The following FGD5 variants were observed in gnomAD, a reference collection of about 807,000 sequenced individuals.
FGD5 encodes the protein FYVE, RhoGEF and PH domain containing 5.
A neutral mutation model predicts 133.4 loss-of-function variants in FGD5; 28 were observed. That is an observed-to-expected ratio of 0.21 (90% CI 0.16 to 0.29). The LOEUF is 0.29. Ranked by LOEUF, FGD5 falls within the 10% of genes least tolerant of loss-of-function variation. The pLI is 1.00. For synonymous variants in FGD5, 810 were observed against 776.5 expected (o/e 1.04, Z -0.72); for missense variants, 1,858 against 1,895.2 (o/e 0.98, Z 0.36).
At chr3:14,889,432 G>A (rs962213042) in intron 4 of FGD5, among the ~76,000 whole-genome samples, 10 of 152,172 alleles carry the variant, frequency 6.6e-5, no homozygotes, top group South Asian at 2.1e-4. Context: ...GTGTTCTTTG[G>A]TAGGGATAGC....
At chr3:14,919,842 G>T (rs2038640338) in intron 13 of FGD5, among the ~76,000 whole-genome samples, 1 of 152,096 alleles carries the variant, frequency 6.6e-6, no homozygotes, top group African/African-American at 2.4e-5. Context: ...TCTTGTATAA[G>T]GGCACTAATC....
rs976846048 is a variant in FGD5 at position 14,892,489 on chromosome 3, G to T, written c.2749-5020G>T. ...GCTGGGATTACAGATGTGAACCACT[G>T]CATCTGGCCTAAAGAAGATCTTTCC... On this transcript the variant is annotated intron_variant, in intron 4 of 19. Coordinates refer to ENST00000285046, the MANE Select transcript of FGD5 (RefSeq NM_152536.4). Among the ~76,000 whole-genome samples, 4 of 152,270 alleles carry T rather than the reference G, an allele frequency of 2.6e-5. No homozygotes were observed. The East Asian group carries it at 7.7e-4, about 29-fold the overall frequency.
chr3:14,918,677 A>G (rs1048691610), intron 12 of FGD5, 77 bp from the exon 13 acceptor site: 10 of 1,442,892 alleles, frequency 6.9e-6, no homozygotes, highest in East Asian at 2.3e-5. Context: ...CCCTCTGTTC[A>G]TCTGCTGCCA....
intron 1 of FGD5, among the ~76,000 whole-genome samples, chr3:14,842,059 C>T (rs780697684): frequency 2.0e-5 from 3 of 152,226 alleles, no homozygotes; most frequent in East Asian, 1.9e-4. Flanking sequence ...TGGGACCCAG[C>T]GAAATAGAAC....
intron 4 of FGD5, among the ~76,000 whole-genome samples, chr3:14,884,388 T>C (rs1220001058): frequency 6.6e-6 from 1 of 152,216 alleles, no homozygotes; most frequent in Non-Finnish European, 1.5e-5. Flanking sequence ...ACCTGGCCCC[T>C]GTCCACCTCT....
intron 2 of FGD5, among the ~76,000 whole-genome samples, chr3:14,874,503 TA>T (rs2037677116): frequency 6.6e-6 from 1 of 152,008 alleles, no homozygotes; most frequent in Non-Finnish European, 1.5e-5. Flanking sequence ...CTCTAAAAAA[TA>T]AAATAGCCTA....
chr3:14,896,495 A>AGTTT (rs2038141623), intron 4 of FGD5, among the ~76,000 whole-genome samples: 1 of 150,188 alleles, frequency 6.7e-6, no homozygotes, highest in South Asian at 2.1e-4. Context: ...TTTGAGACGG[A>AGTTT]GTTTTATTCT....
At chr3:14,865,074 C>T (rs570166068) in intron 2 of FGD5, among the ~76,000 whole-genome samples, 3 of 152,290 alleles carry the variant, frequency 2.0e-5, no homozygotes, top group Admixed American at 2.0e-4. Flanking sequence ...GGGGACACAA[C>T]CACTGCAGGG....
intron 1 of FGD5, among the ~76,000 whole-genome samples, chr3:14,828,920 C>T (rs1183472189): frequency 6.7e-6 from 1 of 148,966 alleles, no homozygotes; most frequent in African/African-American, 2.5e-5. Flanking sequence ...CTCCCAGGTT[C>T]AAGCAGGGGA....
At chr3:14,838,943 G>C (rs2036866621) in intron 1 of FGD5, among the ~76,000 whole-genome samples, 1 of 152,204 alleles carries the variant, frequency 6.6e-6, no homozygotes, top group Non-Finnish European at 1.5e-5. Flanking sequence ...AAGTCCACCT[G>C]TTATATTCTG....
intron 1 of FGD5, among the ~76,000 whole-genome samples, chr3:14,824,980 A>C: frequency 6.6e-6 from 1 of 152,196 alleles, no homozygotes; most frequent in Admixed American, 6.5e-5. Flanking sequence ...ACCTGGCAAA[A>C]CCAGAAGAAT....
intron 1 of FGD5, among the ~76,000 whole-genome samples, chr3:14,859,741 A>G (rs2125101404): frequency 6.6e-6 from 1 of 152,266 alleles, no homozygotes; most frequent in East Asian, 1.9e-4. Context: ...CCCTTGATCA[A>G]CAGTAAAAGC....
chr3:14,865,067 G>A (rs901613773), intron 2 of FGD5, among the ~76,000 whole-genome samples: 4 of 152,164 alleles, frequency 2.6e-5, no homozygotes, highest in African/African-American at 4.8e-5. Flanking sequence ...TTCTGCGGGG[G>A]ACACAACCAC....
intron 4 of FGD5, among the ~76,000 whole-genome samples, chr3:14,894,051 G>A (rs1327436234): frequency 6.6e-6 from 1 of 151,968 alleles, no homozygotes; most frequent in Non-Finnish European, 1.5e-5. Context: ...AACCACTGTG[G>A]CCGGCCTTGT....
upstream of FGD5, chr3:14,810,832 C>T: frequency 1.0e-6 from 1 of 984,914 alleles, no homozygotes; most frequent in Non-Finnish European, 1.2e-6. Flanking sequence ...CCGACGGCGG[C>T]CCGGGCCCCG....
chr3:14,813,130 C>T (rs1245332356), intron 1 of FGD5, among the ~76,000 whole-genome samples: 1 of 152,072 alleles, frequency 6.6e-6, no homozygotes, highest in Non-Finnish European at 1.5e-5. Flanking sequence ...GTCTGCCAGT[C>T]GACTTTATTA....
In FGD5 at chr3:14,820,773, G is replaced by A. The variant is rs771963710; in HGVS notation, c.1702G>A (p.Gly568Arg). ...IPVSVYQEPE[G>R]SGLDDHRIKR... ...AGTGTCCGTGTACCAGGAGCCTGAG[G>A]GGTCAGGGTTGGATGACCACAGGAT... The change falls in exon 1 of 20, where the codon GGG (glycine) becomes AGG (arginine). Residue 568 changes from glycine (G) to arginine (R), a missense_variant. Around this residue, in one of 3 missense-constraint regions of FGD5, gnomAD observed 1,824 missense variants for 1,848.9 expected, o/e 0.99. Coordinates refer to ENST00000285046, the MANE Select transcript of FGD5 (RefSeq NM_152536.4). 2 of 1,613,504 alleles carry A rather than the reference G, an allele frequency of 1.2e-6. No homozygotes were observed. Among genetic ancestry groups the A allele is most frequent in the South Asian group, 2.2e-5 (2 of 90,992 alleles).
Position 14,899,809 on chromosome 3 carries a change from G to A in FGD5, c.3155-594G>A, listed in dbSNP as rs1296703383. Among the ~76,000 whole-genome samples the A allele has an allele frequency of 6.6e-5, 10 of 152,322 alleles. No individual in the cohort carries two copies. In the South Asian group the frequency reaches 8.3e-4, roughly 13 times the overall value. ...GAGGGAACAGGGCTGCTGTGTTAGC[G>A]ATCAGGGAAGACCTCTCTGAGGAGG... On this transcript the variant is annotated intron_variant, in intron 7 of 19. Coordinates refer to ENST00000285046, the MANE Select transcript of FGD5 (RefSeq NM_152536.4).
Position 14,934,057 on chromosome 3 carries a change from G to A in FGD5, c.*890G>A, listed in dbSNP as rs773886861. The A allele has an allele frequency of 2.0e-5, 3 of 152,234 alleles. No homozygotes were observed. The highest frequency in any genetic ancestry group is 4.4e-5 in the Non-Finnish European group (3 of 68,044). 9.4% of individuals were successfully genotyped at this position (152,234 alleles called of 1,614,324 possible). ...TTTCTGTGTTTACCTCACTCAAGCT[G>A]ACAACATTGTTTATGGGAATCTATC... On this transcript the variant is annotated 3_prime_UTR_variant, in exon 20 of 20. Coordinates refer to ENST00000285046, the MANE Select transcript of FGD5 (RefSeq NM_152536.4).
Sources: allele counts gnomAD v4.1 joint callset (sites outside exome capture counted in the v4.1 genomes callset), GRCh38; gene constraint gnomAD v4.1.1; regional missense constraint gnomAD v4.1.1; transcripts MANE v1.5; gene names NCBI Gene and HGNC (gene_info 2026-07-23, HGNC 2026-07-21).